CPXM2: variants seen among roughly 807,000 people sequenced by gnomAD.
CPXM2 encodes the protein inactive carboxypeptidase-like protein X2.
A neutral mutation model predicts 86.1 loss-of-function variants in CPXM2; 66 were observed. The ratio of observed to expected loss-of-function variants is 0.77; its 90% CI spans 0.63 to 0.94. The LOEUF (loss-of-function observed/expected upper bound fraction) is 0.94, where lower values mean the gene tolerates loss of function less well. Among genes scored for constraint, CPXM2 ranks in the 40% least tolerant of loss-of-function variants. The pLI is 0.00. For synonymous variants in CPXM2, 388 were observed against 400.2 expected (o/e 0.97, Z 0.36); for missense variants, 948 against 1,026.3 (o/e 0.92, Z 1.04).
intron 2 of CPXM2, among the ~76,000 whole-genome samples, chr10:123,867,028 T>C (rs535710693): frequency 9.0e-4 from 137 of 152,264 alleles, no homozygotes; most frequent in African/African-American, 3.2e-3. Context: ...CACGGCGCCA[T>C]GCCCCGCAGT....
intron 6 of CPXM2, among the ~76,000 whole-genome samples, chr10:123,790,031 T>C (rs1436521548): frequency 6.6e-6 from 1 of 151,978 alleles, no homozygotes; most frequent in African/African-American, 2.4e-5. Context: ...GACAGGAGAA[T>C]GGTGTGAACC....
chr10:123,808,006 A>C (rs1463190237), intron 4 of CPXM2, among the ~76,000 whole-genome samples: 1 of 152,178 alleles, frequency 6.6e-6, no homozygotes, highest in Non-Finnish European at 1.5e-5. Context: ...GAATGAGGAG[A>C]GGCTTCTATG....
chr10:123,893,246 T>A (rs537074212), upstream of CPXM2, among the ~76,000 whole-genome samples: 1 of 152,302 alleles, frequency 6.6e-6, no homozygotes, highest in East Asian at 1.9e-4. Context: ...CCAGTTCCTC[T>A]GGGTCTGTGA....
At position 123,768,644 on chromosome 10, in the gene CPXM2, T is replaced by A. The variant is rs1564759190; in HGVS notation, c.1181A>T (p.Gln394Leu). Residue 394 changes from glutamine (Q) to leucine (L), a missense_variant, in exon 9 of 14, where the codon CAG becomes CTG. Transcript: ENST00000241305. ...LGRELLLLLV[Q>L]FVCQEYLARN... ...GGCCAAGTACTCCTGACACACGAACTGCACCAGCAGCAGCAGCAGCTCCCG... is the reference window on the plus strand; with the variant it reads ...GGCCAAGTACTCCTGACACACGAACAGCACCAGCAGCAGCAGCAGCTCCCG... The A allele has an allele frequency of 2.5e-6, 4 of 1,613,642 alleles. No homozygotes were observed. Among genetic ancestry groups the A allele is most frequent in the Non-Finnish European group, 3.4e-6 (4 of 1,179,826 alleles).
chr10:123,929,912 G>A (rs1202775003), intron 2 of CPXM2, among the ~76,000 whole-genome samples: 6 of 152,188 alleles, frequency 3.9e-5, no homozygotes, highest in Non-Finnish European at 5.9e-5. Context: ...TTCCTTCCTT[G>A]GGTAGGGCGT....
chr10:123,882,389 C>T (rs1945107740), intron 1 of CPXM2, among the ~76,000 whole-genome samples: 1 of 152,174 alleles, frequency 6.6e-6, no homozygotes, highest in Admixed American at 6.5e-5. Flanking sequence ...GCGGGAACAT[C>T]CCGGCTGGTG....
intron 11 of CPXM2, 69 bp from the exon 12 acceptor site, chr10:123,757,421 C>T (rs761203412): frequency 3.4e-5 from 46 of 1,337,250 alleles, no homozygotes; most frequent in South Asian, 5.0e-5. Flanking sequence ...TGCGGCACAG[C>T]GGGCAGCAAG....
chr10:123,762,309 G>A lies in CPXM2; in HGVS notation c.1480-140C>T, dbSNP rs1589971043. Reference sequence around the variant, plus strand: ...GTTCAGAATTTCAAAACCAATTCTGGGAAAATGTGAAGGAGACTTAGAAAG... The same window carrying A: ...GTTCAGAATTTCAAAACCAATTCTGAGAAAATGTGAAGGAGACTTAGAAAG... On this transcript the variant is annotated intron_variant, in intron 10 of 13. Transcript: ENST00000241305. 18 of 1,225,978 alleles carry A rather than the reference G, an allele frequency of 1.5e-5. No homozygotes were observed. The East Asian group carries it at 4.5e-4, about 31-fold the overall frequency. The allele number at this position is 1,225,978 out of a possible 1,614,324, so 75.9% of individuals were successfully genotyped here.
At chr10:123,774,724 G>T (rs891085786) in intron 7 of CPXM2, among the ~76,000 whole-genome samples, 1 of 152,138 alleles carries the variant, frequency 6.6e-6, no homozygotes. Context: ...ACAATATTTA[G>T]GTGAGAGAAA....
intron 3 of CPXM2, among the ~76,000 whole-genome samples, chr10:123,860,445 C>A (rs1178216119): frequency 6.6e-6 from 1 of 152,202 alleles, no homozygotes; most frequent in Non-Finnish European, 1.5e-5. Context: ...TGGCACTCTG[C>A]CGGTGGAATT....
rs565159556 is a variant in CPXM2 at position 123,766,017 on chromosome 10, T to C, written c.1479+956A>G. ...TGGTTGATACCACATGCAACTGAAT[T>C]CTGGCAGGTGAGAGTTAAGCAGAAG... is the stretch of plus-strand genomic sequence containing the variant. On this transcript the variant is annotated intron_variant, in intron 10 of 13. Coordinates refer to ENST00000241305, the MANE Select transcript of CPXM2 (RefSeq NM_198148.3). Among the ~76,000 whole-genome samples the C allele has an allele frequency of 3.3e-5, 5 of 152,362 alleles. No homozygotes were observed. In the South Asian group the frequency reaches 8.3e-4, roughly 25 times the overall value.
At chr10:123,828,489 G>T (rs1454449659) in intron 4 of CPXM2, among the ~76,000 whole-genome samples, 1 of 152,192 alleles carries the variant, frequency 6.6e-6, no homozygotes, top group Non-Finnish European at 1.5e-5. Context: ...AGCCTCATGA[G>T]ATCTGATGGT....
chr10:123,795,427 C>T (rs911589137), intron 6 of CPXM2, among the ~76,000 whole-genome samples: 2 of 152,118 alleles, frequency 1.3e-5, no homozygotes, highest in African/African-American at 4.8e-5. Context: ...GGGGACAGAA[C>T]AAAGAGACGC....
intron 3 of CPXM2, among the ~76,000 whole-genome samples, chr10:123,854,470 T>A (rs866446188): frequency 3.0e-5 from 4 of 133,368 alleles, no homozygotes; most frequent in South Asian, 2.2e-4. Context: ...AATATATATT[T>A]TATATATATT....
chr10:123,787,531 G>A (rs10902812), intron 6 of CPXM2, among the ~76,000 whole-genome samples: 5 of 151,834 alleles, frequency 3.3e-5, no homozygotes, highest in Admixed American at 6.5e-5. Context: ...ACGGGGTTTC[G>A]CCATGTTGGC....
upstream of CPXM2, among the ~76,000 whole-genome samples, chr10:123,894,874 G>A (rs1187731475): frequency 6.6e-6 from 1 of 152,076 alleles, no homozygotes; most frequent in Non-Finnish European, 1.5e-5. Context: ...TGCTCAGCAG[G>A]TCTCGCTGTT....
At chr10:123,935,864 C>T (rs1192330381) in intron 2 of CPXM2, among the ~76,000 whole-genome samples, 4 of 55,600 alleles carry the variant, frequency 7.2e-5, no homozygotes, top group Non-Finnish European at 1.3e-4. Flanking sequence ...CCACCACCAC[C>T]ATCACCACCA....
intron 2 of CPXM2, among the ~76,000 whole-genome samples, chr10:123,933,057 T>C (rs1189596855): frequency 6.6e-6 from 1 of 152,204 alleles, no homozygotes; most frequent in Non-Finnish European, 1.5e-5. Context: ...GATTGTGCAT[T>C]AGGGACAATA....
chr10:123,784,520 C>A (rs573538011), intron 6 of CPXM2, among the ~76,000 whole-genome samples: 1 of 152,184 alleles, frequency 6.6e-6, no homozygotes, highest in Non-Finnish European at 1.5e-5. Flanking sequence ...AACAGATGGC[C>A]GCTGCCCCAT....
Sources: gnomAD v4.1 joint callset for allele counts (sites outside exome capture counted in the v4.1 genomes callset) on GRCh38, gnomAD v4.1.1 for gene constraint, MANE v1.5 for transcripts, NCBI Gene and HGNC (gene_info 2026-07-23, HGNC 2026-07-21) for gene names.